Variants in ARHGAP25 observed in about 807,000 individuals in gnomAD.
ARHGAP25 encodes the protein Rho GTPase activating protein 25, also known as rho GTPase-activating protein 25.
A neutral mutation model predicts 71.0 loss-of-function variants in ARHGAP25; 34 were observed. The observed-to-expected ratio is 0.48, with a 90% CI of 0.36 to 0.64. The LOEUF (loss-of-function observed/expected upper bound fraction) is 0.64, where lower values mean the gene tolerates loss of function less well. Ranked by LOEUF, ARHGAP25 falls within the 30% of genes least tolerant of loss-of-function variation. The pLI is 0.00. For missense variants in ARHGAP25, 706 were observed against 805.1 expected, an observed-to-expected ratio of 0.88 and a Z score of 1.49; for synonymous variants, 282 against 296.5, an observed-to-expected ratio of 0.95 and a Z score of 0.50.
intron 2 of ARHGAP25, among the ~76,000 whole-genome samples, chr2:68,777,192 T>A (rs1047986947): frequency 6.6e-6 from 1 of 151,952 alleles, no homozygotes; most frequent in African/African-American, 2.4e-5. Context: ...ATCTGCAGAG[T>A]GTAAGGGAGA....
Position 68,721,366 on chromosome 2 carries a change from G to A in ARHGAP25, c.-18+10668G>A, listed in dbSNP as rs141853403. Among the ~76,000 whole-genome samples, 522 of 152,282 alleles carry A rather than the reference G, an allele frequency of 3.4e-3. 2 individuals are homozygous for A. The highest frequency in any genetic ancestry group is 6.2e-3 in the Non-Finnish European group (422 of 68,022). ...TGGATAAAGTATGGATTTCTGACCT[G>A]ACCTGTAAGCAAATTACTCCTCCAT... On this transcript the variant is annotated intron_variant and NMD_transcript_variant, in intron 2 of 7. Coordinates refer to the ARHGAP25 transcript ENST00000463483.
At chr2:68,825,836 C>T (rs1262364330) in intron 10 of ARHGAP25, 151 bp from the exon 11 acceptor site, 8 of 659,552 alleles carry the variant, frequency 1.2e-5, no homozygotes, top group South Asian at 2.0e-5. Flanking sequence ...TTTTCTGGGA[C>T]ATCTTCATGT....
chr2:68,715,506 T>A (rs1324933899), intron 2 of ARHGAP25, among the ~76,000 whole-genome samples: 2 of 152,272 alleles, frequency 1.3e-5, no homozygotes, highest in African/African-American at 4.8e-5. Flanking sequence ...GAGGCTTGTT[T>A]AGGGGCTTCC....
intron 1 of ARHGAP25, among the ~76,000 whole-genome samples, chr2:68,749,657 C>A (rs1676042567): frequency 6.6e-6 from 1 of 152,324 alleles, no homozygotes; most frequent in Non-Finnish European, 1.5e-5. Flanking sequence ...TCAACTCCTG[C>A]ACTAAGTTAG....
At chr2:68,744,695 C>T (rs1482154780) in intron 1 of ARHGAP25, among the ~76,000 whole-genome samples, 3 of 152,196 alleles carry the variant, frequency 2.0e-5, no homozygotes, top group African/African-American at 7.2e-5. Context: ...TCTATATGCT[C>T]CTTCCAAAAA....
At chr2:68,730,550 C>T (rs1674995874), upstream of ARHGAP25, among the ~76,000 whole-genome samples, 1 of 151,518 alleles carries the variant, frequency 6.6e-6, no homozygotes, top group Admixed American at 6.6e-5. Context: ...CTCCATAGGC[C>T]AAGGCGTGAG....
upstream of ARHGAP25, among the ~76,000 whole-genome samples, chr2:68,732,708 C>A (rs191350943): frequency 1.3e-4 from 20 of 152,330 alleles, 1 homozygote; most frequent in East Asian, 3.9e-3. Context: ...GGTGTACTTC[C>A]GGCCTCACTG....
intron 6 of ARHGAP25, among the ~76,000 whole-genome samples, chr2:68,814,431 T>C (rs1311647111): frequency 1.3e-5 from 2 of 152,216 alleles, no homozygotes; most frequent in Non-Finnish European, 2.9e-5. Context: ...TTAGTTAAAT[T>C]TAAGTAGTTA....
intron 1 of ARHGAP25, among the ~76,000 whole-genome samples, chr2:68,753,725 A>G (rs1021635502): frequency 4.6e-5 from 7 of 152,178 alleles, no homozygotes; most frequent in African/African-American, 1.7e-4. Context: ...TACCTCAACA[A>G]GTCGCTGTAG....
At chr2:68,716,429 G>T (rs1674610170) in intron 2 of ARHGAP25, among the ~76,000 whole-genome samples, 1 of 152,136 alleles carries the variant, frequency 6.6e-6, no homozygotes, top group South Asian at 2.1e-4. Flanking sequence ...TTCATTTTGT[G>T]GCTTCTTCCA....
chr2:68,797,007 C>A (rs1027793658), intron 4 of ARHGAP25, among the ~76,000 whole-genome samples: 2 of 152,138 alleles, frequency 1.3e-5, no homozygotes, highest in Non-Finnish European at 2.9e-5. Context: ...CAGGTAACAA[C>A]GAGCGGTGGG....
chr2:68,818,520 G>T (rs1000033131), intron 8 of ARHGAP25, among the ~76,000 whole-genome samples: 2 of 152,152 alleles, frequency 1.3e-5, no homozygotes. Context: ...TAGAGACAGG[G>T]TTTTACCATG....
In ARHGAP25 at chr2:68,815,443, C is replaced by CTTTTTTTTTTT. The variant is rs796100406; in HGVS notation, c.808-831_808-821dup. 6.4e-5 allele frequency among the ~76,000 whole-genome samples: 4 copies of CTTTTTTTTTTT among 62,288 alleles called. 1 individual carries two copies. Among genetic ancestry groups the CTTTTTTTTTTT allele is most frequent in the Non-Finnish European group, 1.1e-4 (4 of 34,850 alleles). 40.9% of individuals were successfully genotyped at this position (62,288 alleles called of 152,430 possible). On this transcript the variant is annotated intron_variant, in intron 6 of 10. Coordinates refer to ENST00000409202, the MANE Select transcript of ARHGAP25 (RefSeq NM_001007231.3). ...CACCGGCATGTGAATTGTGTACTCT[C>CTTTTTTTTTTT]TTTTTTTTTTTTTTTTTTTTTTTTT...
At chr2:68,752,687 CAG>C (rs1336275468) in intron 1 of ARHGAP25, among the ~76,000 whole-genome samples, 1 of 152,116 alleles carries the variant, frequency 6.6e-6, no homozygotes, top group Non-Finnish European at 1.5e-5. Flanking sequence ...TCCTGGAAAT[CAG>C]AGGGCACTAA....
At chr2:68,735,758 A>G (rs1675181138) in intron 1 of ARHGAP25, among the ~76,000 whole-genome samples, 1 of 152,200 alleles carries the variant, frequency 6.6e-6, no homozygotes, top group African/African-American at 2.4e-5. Flanking sequence ...AAAACGTACT[A>G]AAGTATAATA....
chr2:68,728,034 G>C (rs1674924968), intron 2 of ARHGAP25, among the ~76,000 whole-genome samples: 1 of 152,234 alleles, frequency 6.6e-6, no homozygotes, highest in South Asian at 2.1e-4. Context: ...TGAGTACAAT[G>C]TACATCAGAA....
rs144534664 is a variant in ARHGAP25, at chr2:68,755,506, C to T, written c.62-19715C>T. Among the ~76,000 whole-genome samples the T allele has an allele frequency of 9.4e-3, 1,426 of 152,248 alleles. 67 individuals are homozygous for T. The highest frequency in any genetic ancestry group is 0.074 in the Admixed American group (1,129 of 15,280). The stretch of plus-strand genomic sequence containing the variant: ...AATGGCATTCTGAAAACTCACCGCC[C>T]GCCAATCCATCAATCCCAGGTATAG... On this transcript the variant is annotated intron_variant, in intron 1 of 10. Transcript: ENST00000409202.
At chr2:68,760,343 C>G (rs1676726573) in intron 1 of ARHGAP25, among the ~76,000 whole-genome samples, 1 of 151,922 alleles carries the variant, frequency 6.6e-6, no homozygotes, top group Non-Finnish European at 1.5e-5. Context: ...GACAGAGGAA[C>G]TAGGTGAGGG....
At chr2:68,766,348 CTGAT>C (rs1351971719) in intron 1 of ARHGAP25, among the ~76,000 whole-genome samples, 1 of 152,212 alleles carries the variant, frequency 6.6e-6, no homozygotes, top group Non-Finnish European at 1.5e-5. Context: ...AATTTGCCCT[CTGAT>C]TGCCAAATCT....
Sources: allele counts gnomAD v4.1 joint callset (sites outside exome capture counted in the v4.1 genomes callset), GRCh38; gene constraint gnomAD v4.1.1; transcripts MANE v1.5; gene names NCBI Gene and HGNC (gene_info 2026-07-23, HGNC 2026-07-21).